Variants in HOOK3 observed in about 807,000 individuals in gnomAD.
HOOK3 encodes protein Hook homolog 3.
In HOOK3, 24 loss-of-function variants were observed where a neutral mutation model predicts 116.3. The ratio of observed to expected loss-of-function variants is 0.21; its 90% CI spans 0.15 to 0.29. HOOK3 has a LOEUF of 0.29. Among genes scored for constraint, HOOK3 ranks in the 10% least tolerant of loss-of-function variants. The pLI, the probability that HOOK3 is intolerant of heterozygous loss-of-function variation, is 1.00. For synonymous variants in HOOK3, 275 were observed against 283.0 expected (o/e 0.97, Z 0.28); for missense variants, 632 against 830.2 (o/e 0.76, Z 2.93).
At chr8:42,991,326 G>A (rs1259096704) in intron 15 of HOOK3, among the ~76,000 whole-genome samples, 1 of 150,374 alleles carries the variant, frequency 6.7e-6, no homozygotes, top group Non-Finnish European at 1.5e-5. Flanking sequence ...TTTCTGTGAA[G>A]AATATCATTG....
intron 3 of HOOK3, among the ~76,000 whole-genome samples, chr8:42,928,961 G>T (rs950677920): frequency 3.3e-5 from 5 of 152,180 alleles, no homozygotes; most frequent in African/African-American, 1.2e-4. Context: ...AGAATTGCTT[G>T]AACCTGGGAG....
chr8:42,967,357 A>G (rs544106796), intron 10 of HOOK3, among the ~76,000 whole-genome samples: 58 of 152,096 alleles, frequency 3.8e-4, no homozygotes, highest in African/African-American at 1.4e-3. Context: ...TGAACTCTCC[A>G]TGTCTTTTGT....
intron 15 of HOOK3, among the ~76,000 whole-genome samples, chr8:42,989,149 G>A (rs899078366): frequency 6.6e-6 from 1 of 152,152 alleles, no homozygotes; most frequent in Admixed American, 6.6e-5. Flanking sequence ...GGGTTGAGGG[G>A]GAAGCCACAT....
intron 13 of HOOK3, among the ~76,000 whole-genome samples, chr8:42,981,790 A>G (rs1436648141): frequency 6.7e-6 from 1 of 150,064 alleles, no homozygotes; most frequent in Non-Finnish European, 1.5e-5. Context: ...AGGCTGAGGT[A>G]GGAGAATTGC....
At chr8:43,002,236 G>T in intron 17 of HOOK3, 95 bp downstream of exon 17, 1 of 853,566 alleles carries the variant, frequency 1.2e-6, no homozygotes, top group African/African-American at 1.7e-5. Context: ...TGGCACAGGT[G>T]GCCCTTGAAG....
At chr8:43,003,865 T>C (rs968471853) in intron 17 of HOOK3, among the ~76,000 whole-genome samples, 2 of 152,200 alleles carry the variant, frequency 1.3e-5, no homozygotes, top group African/African-American at 4.8e-5. Flanking sequence ...GACCTTCTTA[T>C]AAGGATGCCA....
intron 14 of HOOK3, among the ~76,000 whole-genome samples, chr8:42,984,321 T>G (rs927403295): frequency 9.3e-5 from 14 of 149,850 alleles, no homozygotes; most frequent in Admixed American, 7.3e-4. Flanking sequence ...TGAGCCGAGA[T>G]CGCGCCATTG....
At chr8:42,968,320 C>T (rs1420646593) in intron 11 of HOOK3, 106 bp downstream of exon 11, 5 of 777,886 alleles carry the variant, frequency 6.4e-6, no homozygotes, top group African/African-American at 1.8e-5. Context: ...TGTTTTTTAC[C>T]TTTTCTTTAT....
chr8:42,906,035 C>T, intron 1 of HOOK3, 138 bp from the exon 2 acceptor site: 1 of 662,116 alleles, frequency 1.5e-6, no homozygotes, highest in Non-Finnish European at 2.7e-6. Context: ...TGCAGTGAGC[C>T]AAGATGGGGC....
chr8:42,906,181 A>G lies in HOOK3; in HGVS notation c.66A>G (p.Thr22=), dbSNP rs1807306072. ...TCTTTTTTTCCCTTCAGATCCAGAC[A>G]TTTAATGTGGATGCACCATGCCAGA... ...LCESLLTWIQ[T]FNVDAPCQTV... is the part of the protein sequence containing the mutation. The change falls in exon 2 of 22, where the codon ACA becomes ACG. Residue 22 remains threonine (T), a synonymous_variant. Coordinates refer to ENST00000307602, the MANE Select transcript of HOOK3 (RefSeq NM_032410.4). 14 of 1,121,884 alleles carry G rather than the reference A, an allele frequency of 1.2e-5. No individual in the cohort carries two copies. The highest frequency in any genetic ancestry group is 1.6e-5 in the Non-Finnish European group (13 of 806,036). 69.5% of individuals were successfully genotyped at this position (1,121,884 alleles called of 1,614,324 possible). A position where few individuals can be genotyped will look rare whatever the true frequency, so the allele number is the denominator to read the frequency against.
chr8:42,962,921 C>G lies in HOOK3; in HGVS notation c.616-1390C>G, dbSNP rs113890738. Among the ~76,000 whole-genome samples the G allele has an allele frequency of 4.8e-3, 734 of 151,594 alleles. 4 individuals are homozygous for G. The highest frequency in any genetic ancestry group is 0.017 in the African/African-American group (704 of 41,244). ...GGTTCAAGCTATTCTCTTGCCTCAGCCTCCTGAGTAGCTGGGATTACAGGC... is the reference window on the plus strand; with the variant it reads ...GGTTCAAGCTATTCTCTTGCCTCAGGCTCCTGAGTAGCTGGGATTACAGGC... On this transcript the variant is annotated intron_variant, in intron 8 of 21. Transcript: ENST00000307602.
chr8:42,971,874 T>C (rs1036456449), intron 11 of HOOK3, among the ~76,000 whole-genome samples: 19 of 151,912 alleles, frequency 1.3e-4, no homozygotes, highest in Admixed American at 2.6e-4. Flanking sequence ...GGATACAGGG[T>C]TTCACCATGT....
At chr8:42,985,624 T>C (rs926091907) in intron 14 of HOOK3, among the ~76,000 whole-genome samples, 9 of 152,046 alleles carry the variant, frequency 5.9e-5, no homozygotes, top group African/African-American at 2.2e-4. Flanking sequence ...CTGAAAAATA[T>C]ACGGTCCATG....
At chr8:42,907,191 A>G (rs1044749454) in intron 2 of HOOK3, among the ~76,000 whole-genome samples, 1 of 152,210 alleles carries the variant, frequency 6.6e-6, no homozygotes, top group Non-Finnish European at 1.5e-5. Flanking sequence ...AAAGATTTAC[A>G]TGTCACTAGC....
intron 1 of HOOK3, among the ~76,000 whole-genome samples, chr8:42,902,047 A>T (rs1807200874): frequency 1.3e-5 from 2 of 151,816 alleles, no homozygotes; most frequent in African/African-American, 4.8e-5. Context: ...GCTTTTTTGA[A>T]TTACCTGCTT....
rs1809891301 is a variant in HOOK3 at position 43,024,247 on chromosome 8, C to G, written c.*5749C>G. 1 of 201,044 alleles carries G rather than the reference C, an allele frequency of 5.0e-6. No homozygotes were observed. Among genetic ancestry groups the G allele is most frequent in the African/African-American group, 2.3e-5 (1 of 43,580 alleles). 12.5% of individuals were successfully genotyped at this position (201,044 alleles called of 1,614,324 possible). A position where few individuals can be genotyped will look rare whatever the true frequency, so the allele number is the denominator to read the frequency against. On this transcript the variant is annotated 3_prime_UTR_variant, in exon 22 of 22. Coordinates refer to ENST00000307602, the MANE Select transcript of HOOK3 (RefSeq NM_032410.4). ...TAGAAGAATATTTTGAGTTTTTATTCTTATATTATGAAGGGATTCTTTGCC... is the reference window on the plus strand; with the variant it reads ...TAGAAGAATATTTTGAGTTTTTATTGTTATATTATGAAGGGATTCTTTGCC...
chr8:42,898,341 G>T (rs1467533886), intron 1 of HOOK3, among the ~76,000 whole-genome samples: 1 of 152,212 alleles, frequency 6.6e-6, no homozygotes, highest in Non-Finnish European at 1.5e-5. Flanking sequence ...GGGGATTTCA[G>T]ATCGTTAGCA....
At chr8:42,980,613 G>T (rs995571157) in intron 13 of HOOK3, among the ~76,000 whole-genome samples, 1 of 152,080 alleles carries the variant, frequency 6.6e-6, no homozygotes, top group African/African-American at 2.4e-5. Context: ...AGAGGGCCTG[G>T]TGCAGTGGCT....
chr8:42,937,927 C>G (rs1213816062), intron 4 of HOOK3, among the ~76,000 whole-genome samples: 1 of 152,146 alleles, frequency 6.6e-6, no homozygotes, highest in African/African-American at 2.4e-5. Context: ...GAGCTGAGTT[C>G]AAGTCCTGAA....
Sources: allele counts gnomAD v4.1 joint callset (sites outside exome capture counted in the v4.1 genomes callset), GRCh38; gene constraint gnomAD v4.1.1; transcripts MANE v1.5; gene names NCBI Gene and HGNC (gene_info 2026-07-23, HGNC 2026-07-21).